Variants in RBL2 observed in about 807,000 individuals in gnomAD.
RBL2 encodes retinoblastoma-like protein 2.
In RBL2, 56 loss-of-function variants were observed where a neutral mutation model predicts 126.0. The observed-to-expected ratio is 0.44, with a 90% CI of 0.36 to 0.56. The LOEUF (loss-of-function observed/expected upper bound fraction) is 0.56, where lower values mean the gene tolerates loss of function less well. RBL2 is among the 20% of genes least tolerant of loss of function. RBL2 has a pLI of 0.00. For missense variants in RBL2, 1,229 were observed against 1,398.2 expected, an observed-to-expected ratio of 0.88 and a Z score of 1.93; for synonymous variants, 454 against 478.5, an observed-to-expected ratio of 0.95 and a Z score of 0.67.
At position 53,481,664 on chromosome 16, in the gene RBL2, T is replaced by C. The variant is rs757819462; in HGVS notation, c.3085-7T>C. On this transcript the variant is annotated splice_region_variant and splice_polypyrimidine_tract_variant and intron_variant, in intron 20 of 21. Transcript: ENST00000262133. ...CTTAGAATTACTGATTTTTTTTTTT[T>C]AAACAGATGGATGCTCCTCCACTCT... is the stretch of plus-strand genomic sequence containing the variant. 1 of 1,545,384 alleles carries C rather than the reference T, an allele frequency of 6.5e-7. No individual in the cohort carries two copies.
chr16:53,435,776 TG>T, intron 1 of RBL2: 2 of 1,263,182 alleles, frequency 1.6e-6, no homozygotes, highest in Non-Finnish European at 2.1e-6. Context: ...TTTGGCTATG[TG>T]TACTGATGAG....
intron 1 of RBL2, among the ~76,000 whole-genome samples, 158 bp downstream of exon 1, chr16:53,434,954 G>C (rs1222343290): frequency 6.6e-6 from 1 of 152,116 alleles, no homozygotes; most frequent in Admixed American, 6.5e-5. Flanking sequence ...GCTCTTAGCC[G>C]CTCCGAGGGC....
At chr16:53,459,941 T>C (rs1407014814) in intron 9 of RBL2, among the ~76,000 whole-genome samples, 1 of 152,074 alleles carries the variant, frequency 6.6e-6, no homozygotes, top group African/African-American at 2.4e-5. Context: ...AGCTCAGTGA[T>C]GATGGGAATT....
intron 7 of RBL2, among the ~76,000 whole-genome samples, 200 bp downstream of exon 7, chr16:53,453,969 C>T (rs2150795707): frequency 6.6e-6 from 1 of 152,234 alleles, no homozygotes; most frequent in South Asian, 2.1e-4. Context: ...TTTGAAGTTT[C>T]TTTAAGCTTC....
intron 21 of RBL2, chr16:53,487,928 G>C (rs142856813): frequency 1.3e-5 from 2 of 152,156 alleles, no homozygotes; most frequent in Non-Finnish European, 2.9e-5. Flanking sequence ...GTGACAAATC[G>C]TAAGTTCTGA....
chr16:53,464,131 A>G (rs1010515944), intron 11 of RBL2, 95 bp from the exon 12 acceptor site: 59 of 1,055,608 alleles, frequency 5.6e-5, no homozygotes, highest in Non-Finnish European at 7.3e-5. Context: ...TCAGAAAATG[A>G]GACTTTCTTT....
intron 11 of RBL2, among the ~76,000 whole-genome samples, chr16:53,463,533 G>GCCTGGCC (rs2058242895): frequency 6.9e-6 from 1 of 144,414 alleles, no homozygotes; most frequent in Non-Finnish European, 1.5e-5. Flanking sequence ...TGAGCCACCT[G>GCCTGGCC]CCTGGCCCCT....
In RBL2 at chr16:53,490,295, C is replaced by T; in HGVS notation, c.3415C>T (p.His1139Tyr). 6.2e-7 allele frequency: 1 copy of T among 1,604,826 alleles called. No homozygotes were observed. Among genetic ancestry groups the T allele is most frequent in the Non-Finnish European group, 8.5e-7 (1 of 1,174,584 alleles). ...AGATGTAGCTAATGACCGTGGTTCCCACTGAGGTTAGTCTCTTGTATTAAA... is the reference window on the plus strand; with the variant it reads ...AGATGTAGCTAATGACCGTGGTTCCTACTGAGGTTAGTCTCTTGTATTAAA... ...LQDVANDRGS[H>Y] Residue 1139 changes from histidine to tyrosine, a missense_variant, in exon 22 of 22, where the codon CAC (histidine) becomes TAC (tyrosine). His to Tyr is a moderately conservative substitution (Grantham distance 83). Coordinates refer to ENST00000262133, the MANE Select transcript of RBL2 (RefSeq NM_005611.4).
At position 53,461,865 on chromosome 16, in the gene RBL2, T is replaced by C; in HGVS notation, c.1456+15T>C. ...TTGTGCTAAAGGTAAGGTTTAACAT[T>C]GTTATTCTGCTTTTATGTTTGAAGT... On this transcript the variant is annotated intron_variant, in intron 10 of 21. Coordinates refer to ENST00000262133, the MANE Select transcript of RBL2 (RefSeq NM_005611.4). 6.3e-7 allele frequency: 1 copy of C among 1,577,500 alleles called. No individual in the cohort carries two copies. The highest frequency in any genetic ancestry group is 8.7e-7 in the Non-Finnish European group (1 of 1,147,650).
rs1175727406 is a variant in RBL2 at position 53,477,248 on chromosome 16, T to A, written c.2704-1906T>A. ...ATTGTTATAATTATTGATACAATTT[T>A]ATGACTTCTAAAGTAGCAGAAAGGA... On this transcript the variant is annotated intron_variant, in intron 17 of 21. Transcript: ENST00000262133. Among the ~76,000 whole-genome samples, 7 of 152,238 alleles carry A rather than the reference T, an allele frequency of 4.6e-5. No individual in the cohort carries two copies. The East Asian group carries it at 1.3e-3, about 29-fold the overall frequency.
At chr16:53,476,553 G>C (rs1960733130) in intron 17 of RBL2, among the ~76,000 whole-genome samples, 1 of 152,142 alleles carries the variant, frequency 6.6e-6, no homozygotes, top group Non-Finnish European at 1.5e-5. Flanking sequence ...GATCTGCCTA[G>C]ATCATCTCTC....
intron 10 of RBL2, 28 bp from the exon 11 acceptor site, chr16:53,462,524 G>A: frequency 7.6e-7 from 1 of 1,320,564 alleles, no homozygotes; most frequent in Non-Finnish European, 1.0e-6. Flanking sequence ...CCATTTTTGT[G>A]GGGTTTTTTT....
intron 9 of RBL2, among the ~76,000 whole-genome samples, chr16:53,461,270 A>G (rs1052356253): frequency 2.6e-5 from 4 of 152,182 alleles, no homozygotes; most frequent in Admixed American, 2.6e-4. Context: ...AGGCAAGTGG[A>G]TCACTTGAGG....
At chr16:53,478,271 G>A (rs373123373) in intron 17 of RBL2, among the ~76,000 whole-genome samples, 3 of 152,018 alleles carry the variant, frequency 2.0e-5, no homozygotes, top group East Asian at 3.9e-4. Flanking sequence ...TTCTTTCTTT[G>A]GCTTTGAACA....
At chr16:53,475,364 T>C (rs1370229926) in intron 17 of RBL2, among the ~76,000 whole-genome samples, 1 of 152,096 alleles carries the variant, frequency 6.6e-6, no homozygotes, top group African/African-American at 2.4e-5. Context: ...TACAGGCCTG[T>C]GCCACCTCGC....
At chr16:53,436,897 T>C (rs187921062) in intron 1 of RBL2, among the ~76,000 whole-genome samples, 63 of 152,320 alleles carry the variant, frequency 4.1e-4, no homozygotes, top group African/African-American at 1.4e-3. Context: ...ATATATTTTT[T>C]AGGACCAAAG....
chr16:53,476,503 A>T (rs1960731962), intron 17 of RBL2, among the ~76,000 whole-genome samples: 1 of 152,130 alleles, frequency 6.6e-6, no homozygotes, highest in Non-Finnish European at 1.5e-5. Context: ...GTTAGGTCTA[A>T]TTGTTTTATA....
chr16:53,480,595 G>C lies in RBL2; in HGVS notation c.2910G>C (p.Arg970Ser). The C allele has an allele frequency of 1.2e-6, 2 of 1,613,896 alleles. No individual in the cohort carries two copies. The highest frequency in any genetic ancestry group is 1.1e-5 in the South Asian group (1 of 91,068). The change falls in exon 20 of 22, where the codon AGG becomes AGC. Residue 970 changes from arginine to serine, a missense_variant. Transcript: ENST00000262133. ...GTAGAGACTCCAGTCCAGTTATGAG[G>C]TCAAGCAGCACCTTGCCAGTTCCAC... The part of the protein sequence containing the change: ...RTSRDSSPVM[R>S]SSSTLPVPQP...
At position 53,490,296 on chromosome 16, in the gene RBL2, A is replaced by G; in HGVS notation, c.3416A>G (p.His1139Arg). ...GATGTAGCTAATGACCGTGGTTCCC[A>G]CTGAGGTTAGTCTCTTGTATTAAAC... ...LQDVANDRGS[H>R] is the part of the protein sequence containing the mutation. The change falls in exon 22 of 22, where the codon CAC becomes CGC. Residue 1139 changes from histidine (H) to arginine (R), a missense_variant. His to Arg is a conservative substitution (Grantham distance 29, BLOSUM62 0). Coordinates refer to ENST00000262133, the MANE Select transcript of RBL2 (RefSeq NM_005611.4). 1 of 1,605,210 alleles carries G rather than the reference A, an allele frequency of 6.2e-7. No homozygotes were observed. The highest frequency in any genetic ancestry group is 1.3e-5 in the African/African-American group (1 of 74,760).
Sources: gnomAD v4.1 joint callset for allele counts (sites outside exome capture counted in the v4.1 genomes callset) on GRCh38, gnomAD v4.1.1 for gene constraint, MANE v1.5 for transcripts, NCBI Gene and HGNC (gene_info 2026-07-23, HGNC 2026-07-21) for gene names.